CYB561: variants seen among roughly 807,000 people sequenced by gnomAD.
The protein encoded by CYB561 is cytochrome b561, also known as transmembrane ascorbate-dependent reductase CYB561.
A neutral mutation model predicts 25.3 loss-of-function variants in CYB561; 11 were observed. The ratio of observed to expected loss-of-function variants is 0.44; its 90% confidence interval spans 0.27 to 0.72. CYB561 has a LOEUF of 0.72. Among genes scored for constraint, CYB561 ranks in the 30% least tolerant of loss-of-function variants. The pLI, the probability that CYB561 is intolerant of heterozygous loss-of-function variation, is 0.18. For synonymous variants in CYB561, 165 were observed against 158.8 expected (o/e 1.04, Z -0.29); for missense variants, 295 against 334.9 (o/e 0.88, Z 0.93).
chr17:63,437,683 G>A, intron 1 of CYB561, 123 bp from the exon 2 acceptor site: 1 of 684,666 alleles, frequency 1.5e-6, no homozygotes, highest in South Asian at 1.8e-5. Context: ...CACCCCTCAA[G>A]ATGCGCACAG....
At chr17:63,443,446 G>C (rs1025710151) in intron 1 of CYB561, among the ~76,000 whole-genome samples, 7 of 152,154 alleles carry the variant, frequency 4.6e-5, no homozygotes, top group African/African-American at 1.7e-4. Flanking sequence ...AGGTACCAAG[G>C]AACTAGGTAC....
rs116854600 is a variant in CYB561 at position 63,445,316 on chromosome 17, G to A, written c.-14+929C>T. 4.1e-4 allele frequency among the ~76,000 whole-genome samples: 62 copies of A among 151,538 alleles called. No homozygotes were observed. In the East Asian group the frequency reaches 0.011, roughly 28 times the overall value. On this transcript the variant is annotated intron_variant, in intron 1 of 5. Coordinates refer to ENST00000360793, the MANE Select transcript of CYB561 (RefSeq NM_001915.4). ...AAGGAGGTGGGGCTGCCACCGCCTC[G>A]TATTTTCCTGCCTCCATCAAATTTC...
At chr17:63,445,551 G>C (rs1480302180) in intron 1 of CYB561, among the ~76,000 whole-genome samples, 2 of 149,818 alleles carry the variant, frequency 1.3e-5, no homozygotes, top group Admixed American at 6.6e-5. Context: ...AGATCCACAC[G>C]GATGATCCTC....
At chr17:63,438,110 GA>G (rs1449756607) in intron 1 of CYB561, 30 of 1,534,556 alleles carry the variant, frequency 2.0e-5, no homozygotes, top group Non-Finnish European at 2.3e-5. Flanking sequence ...TCCCCACGGG[GA>G]CAGGCGTGAC....
In CYB561 at chr17:63,435,668, G is replaced by C. The variant is rs748763679; in HGVS notation, c.405+20C>G. ...CTCCCTGGTAGGTGGCCCCAGGCCCGGGGTGTTGGAAGGACTCACCTGCAC... is the reference window on the plus strand; with the variant it reads ...CTCCCTGGTAGGTGGCCCCAGGCCCCGGGTGTTGGAAGGACTCACCTGCAC... On this transcript the variant is annotated intron_variant, in intron 4 of 5. Transcript: ENST00000360793. The C allele has an allele frequency of 6.2e-7, 1 of 1,604,048 alleles. No homozygotes were observed. The highest frequency in any genetic ancestry group is 1.1e-5 in the South Asian group (1 of 90,888).
At chr17:63,441,755 T>A (rs941585534) in intron 1 of CYB561, among the ~76,000 whole-genome samples, 2 of 152,236 alleles carry the variant, frequency 1.3e-5, no homozygotes, top group African/African-American at 4.8e-5. Context: ...TTCCAGAGAC[T>A]GAGGCCAGCA....
At chr17:63,434,741 C>T (rs553472296) in intron 5 of CYB561, 147 bp from the exon 6 acceptor site, 24 of 684,570 alleles carry the variant, frequency 3.5e-5, no homozygotes, top group African/African-American at 1.6e-4. Context: ...ACCATCCCCC[C>T]GCCCCCAACC....
At chr17:63,434,642 G>A in intron 5 of CYB561, 48 bp from the exon 6 acceptor site, 1 of 1,524,182 alleles carries the variant, frequency 6.6e-7, no homozygotes, top group Non-Finnish European at 8.9e-7. Context: ...GTCACAATTA[G>A]GCCAAATGCC....
Position 63,434,413 on chromosome 17 carries a change from CG to C in CYB561, c.744del (p.Gly249AlafsTer22). 6.4e-7 allele frequency: 1 copy of C among 1,569,046 alleles called. No homozygotes were observed. ...GCCGGCCGGGCGCATCACTGGGAGC[CG>C]GGGCTATCTCCCTCCGTCAGCGTCT... is the stretch of plus-strand genomic sequence containing the variant. ...DFKTLTEGDS[P>X]GSQ On this transcript the variant is annotated frameshift_variant, in exon 6 of 6. Coordinates refer to ENST00000360793, the MANE Select transcript of CYB561 (RefSeq NM_001915.4). LOFTEE classifies it high-confidence loss of function.
chr17:63,446,165 T>C (rs1309123872), intron 1 of CYB561, 80 bp downstream of exon 1: 1 of 152,100 alleles, frequency 6.6e-6, no homozygotes, highest in African/African-American at 2.4e-5. Flanking sequence ...TGTCCCTCCC[T>C]GCGCAGTCAG....
chr17:63,434,857 G>T (rs1249491460), intron 5 of CYB561, among the ~76,000 whole-genome samples: 1 of 152,252 alleles, frequency 6.6e-6, no homozygotes, highest in Non-Finnish European at 1.5e-5. Context: ...GCTGCGTGGT[G>T]GGAATAAATA....
chr17:63,438,888 G>A (rs2049346306), intron 1 of CYB561, among the ~76,000 whole-genome samples: 1 of 152,214 alleles, frequency 6.6e-6, no homozygotes, highest in Non-Finnish European at 1.5e-5. Context: ...CCCCTCACCC[G>A]GCAGCGGCCT....
At chr17:63,435,906 T>C in intron 3 of CYB561, 115 bp from the exon 4 acceptor site, 1 of 1,583,244 alleles carries the variant, frequency 6.3e-7, no homozygotes, top group Non-Finnish European at 8.6e-7. Context: ...GCTCGAGGGC[T>C]GCCAGCACCT....
At chr17:63,439,146 T>C (rs750623829) in intron 1 of CYB561, 6 of 152,394 alleles carry the variant, frequency 3.9e-5, no homozygotes, top group Non-Finnish European at 7.3e-5. Context: ...GCCCAGGAGC[T>C]GGTTTTCAGT....
intron 5 of CYB561, 123 bp downstream of exon 5, chr17:63,434,963 A>C: frequency 9.6e-7 from 1 of 1,042,988 alleles, no homozygotes; most frequent in Non-Finnish European, 1.4e-6. Flanking sequence ...AAGCATAACT[A>C]CAGCCACCAG....
chr17:63,438,731 G>C (rs1285562643), intron 1 of CYB561, among the ~76,000 whole-genome samples: 2 of 152,154 alleles, frequency 1.3e-5, no homozygotes, highest in African/African-American at 4.8e-5. Context: ...AAAGGAGAGC[G>C]GGTGGTTCCT....
chr17:63,437,962 C>A, intron 1 of CYB561: 1 of 820,094 alleles, frequency 1.2e-6, no homozygotes, highest in Non-Finnish European at 1.8e-6. Flanking sequence ...GCGGCTCCTC[C>A]CACGGCGGCC....
chr17:63,434,418 C>T lies in CYB561; in HGVS notation c.740G>A (p.Ser247Asn). ...CCGGGCGCATCACTGGGAGCCGGGG[C>T]TATCTCCCTCCGTCAGCGTCTTGAA... ...MDFKTLTEGDSPGSQ is the reference protein window; with the variant it reads ...MDFKTLTEGDNPGSQ Residue 247 changes from serine (S) to asparagine (N), a missense_variant, in exon 6 of 6, where the codon AGC becomes AAC. Ser to Asn is a conservative substitution (Grantham distance 46). Transcript: ENST00000360793. 1 of 1,576,160 alleles carries T rather than the reference C, an allele frequency of 6.3e-7. No homozygotes were observed. The highest frequency in any genetic ancestry group is 2.3e-5 in the East Asian group (1 of 42,666).
intron 1 of CYB561, chr17:63,438,011 T>C (rs1599118767): frequency 1.2e-5 from 10 of 855,028 alleles, no homozygotes; most frequent in Non-Finnish European, 1.5e-5. Context: ...GAAGCAGCGC[T>C]CGCTCTCCTA....
Sources: gnomAD v4.1 joint callset for allele counts (sites outside exome capture counted in the v4.1 genomes callset) on GRCh38, gnomAD v4.1.1 for gene constraint, MANE v1.5 for transcripts, NCBI Gene and HGNC (gene_info 2026-07-23, HGNC 2026-07-21) for gene names.